ZRANB3: variants seen among roughly 807,000 people sequenced by gnomAD.
ZRANB3 encodes zinc finger RANBP2-type containing 3.
In ZRANB3, 125 loss-of-function variants were observed where a neutral mutation model predicts 133.8. That is an observed-to-expected ratio of 0.93 (90% confidence interval 0.81 to 1.08). The LOEUF is 1.08. ZRANB3 is among the 50% of genes least tolerant of loss of function. ZRANB3 has a pLI of 0.00. For synonymous variants in ZRANB3, 387 were observed against 432.7 expected (o/e 0.89, Z 1.31); for missense variants, 1,229 against 1,275.5 (o/e 0.96, Z 0.56).
At chr2:135,260,681 ATATT>A (rs1679914672) in intron 12 of ZRANB3, among the ~76,000 whole-genome samples, 1 of 146,286 alleles carries the variant, frequency 6.8e-6, no homozygotes, top group African/African-American at 2.5e-5. Flanking sequence ...ATACTTGAAC[ATATT>A]TATATATATA....
intron 12 of ZRANB3, among the ~76,000 whole-genome samples, chr2:135,237,779 T>C (rs1423281894): frequency 8.0e-6 from 1 of 125,716 alleles, no homozygotes; most frequent in Non-Finnish European, 1.6e-5. Flanking sequence ...CATCACACAC[T>C]GGGGCCTGTT....
At chr2:135,295,568 C>T (rs945555464) in intron 8 of ZRANB3, among the ~76,000 whole-genome samples, 5 of 152,204 alleles carry the variant, frequency 3.3e-5, no homozygotes, top group African/African-American at 1.2e-4. Flanking sequence ...GAGCATTTAG[C>T]CCATTTACAT....
intron 8 of ZRANB3, among the ~76,000 whole-genome samples, chr2:135,295,849 C>T (rs1573856153): frequency 6.6e-6 from 1 of 152,256 alleles, no homozygotes; most frequent in Non-Finnish European, 1.5e-5. Context: ...CTCAGTTTGG[C>T]TGGATATGAA....
chr2:135,510,620 T>C (rs1379340051), intron 1 of ZRANB3: 2 of 770,276 alleles, frequency 2.6e-6, no homozygotes, highest in Non-Finnish European at 4.6e-6. Flanking sequence ...GGAGGGCCTC[T>C]CATTCCACCA....
intron 12 of ZRANB3, among the ~76,000 whole-genome samples, chr2:135,257,562 T>C (rs1045992476): frequency 1.3e-5 from 2 of 152,230 alleles, no homozygotes; most frequent in African/African-American, 4.8e-5. Context: ...TATATGAGTC[T>C]TCTAATTTCT....
intron 2 of ZRANB3, among the ~76,000 whole-genome samples, chr2:135,412,714 A>T (rs1303772012): frequency 7.8e-6 from 1 of 127,840 alleles, no homozygotes; most frequent in African/African-American, 4.3e-5. Context: ...GCTGAGGTAT[A>T]CCTTTTTTAA....
intron 17 of ZRANB3, among the ~76,000 whole-genome samples, chr2:135,212,153 T>C (rs1694117280): frequency 6.6e-6 from 1 of 152,216 alleles, no homozygotes; most frequent in Admixed American, 6.5e-5. Context: ...ATGTCTTTCT[T>C]AGAGCAAAAA....
At chr2:135,495,013 T>C (rs1210014819) in intron 2 of ZRANB3, among the ~76,000 whole-genome samples, 1 of 152,132 alleles carries the variant, frequency 6.6e-6, no homozygotes, top group East Asian at 1.9e-4. Context: ...AGCAGGAAGA[T>C]CATATGGGGC....
intron 12 of ZRANB3, among the ~76,000 whole-genome samples, chr2:135,233,992 G>A (rs1305725135): frequency 6.6e-6 from 1 of 152,176 alleles, no homozygotes; most frequent in Non-Finnish European, 1.5e-5. Context: ...AAAAGACACA[G>A]ACTGGCAAAT....
At chr2:135,407,287 G>A (rs1323646005) in intron 2 of ZRANB3, among the ~76,000 whole-genome samples, 2 of 152,036 alleles carry the variant, frequency 1.3e-5, no homozygotes, top group East Asian at 1.9e-4. Context: ...ACCTCTTCAA[G>A]GAGAACTACA....
At chr2:135,369,521 T>C (rs574337220) in intron 3 of ZRANB3, among the ~76,000 whole-genome samples, 1 of 152,288 alleles carries the variant, frequency 6.6e-6, no homozygotes, top group Admixed American at 6.5e-5. Flanking sequence ...TTTGCCTCAC[T>C]ATAATATATA....
Position 135,207,714 on chromosome 2 carries a change from G to A in ZRANB3, c.2729C>T (p.Pro910Leu). The stretch of plus-strand genomic sequence containing the variant: ...GGGTTGCTGACAGCGAAGGCAAAGT[G>A]GATTTCCTTCATTATCCACAGCTTG... Reference protein sequence around the residue: ...YLQAVDNEGNPLCLRCQQPTC... With the variant: ...YLQAVDNEGNLLCLRCQQPTC... The change falls in exon 19 of 21, where the codon CCA (proline) becomes CTA (leucine). Residue 910 changes from proline (P) to leucine (L), a missense_variant. Pro to Leu is a moderately conservative substitution (Grantham distance 98). Transcript: ENST00000264159. 6.2e-7 allele frequency: 1 copy of A among 1,613,968 alleles called. No homozygotes were observed. Among genetic ancestry groups the A allele is most frequent in the Non-Finnish European group, 8.5e-7 (1 of 1,179,884 alleles).
At chr2:135,409,946 A>T (rs1688226745) in intron 2 of ZRANB3, among the ~76,000 whole-genome samples, 1 of 152,142 alleles carries the variant, frequency 6.6e-6, no homozygotes, top group Admixed American at 6.6e-5. Context: ...GATCTCTATA[A>T]GGAGAACTTT....
intron 1 of ZRANB3, chr2:135,510,475 A>T: frequency 1.9e-6 from 1 of 531,932 alleles, no homozygotes; most frequent in Non-Finnish European, 3.5e-6. Flanking sequence ...AAGATACCAA[A>T]GGCTGGTCAA....
At chr2:135,325,506 C>T (rs1573913509) in intron 6 of ZRANB3, among the ~76,000 whole-genome samples, 1 of 152,072 alleles carries the variant, frequency 6.6e-6, no homozygotes. Flanking sequence ...ACGCCATTCT[C>T]CTGCCTCAGC....
chr2:135,211,010 CAG>C (rs113103633), intron 17 of ZRANB3, among the ~76,000 whole-genome samples: 1 of 151,648 alleles, frequency 6.6e-6, no homozygotes, highest in Non-Finnish European at 1.5e-5. Flanking sequence ...GCCTGGGTGA[CAG>C]AGAGAGACTC....
chr2:135,223,949 T>C (rs539335104), intron 15 of ZRANB3, among the ~76,000 whole-genome samples: 1 of 152,252 alleles, frequency 6.6e-6, no homozygotes, highest in Non-Finnish European at 1.5e-5. Flanking sequence ...GGCACTGTGC[T>C]AAGTGCTTTA....
Position 135,204,639 on chromosome 2 carries a change from C to CAAA in ZRANB3, c.3010-1679_3010-1677dup, listed in dbSNP as rs1048256026. ...CACAGTGAGATCCCAGACCCAATCT[C>CAAA]AAAAAAAAAAAATATATATATATAC... On this transcript the variant is annotated intron_variant, in intron 19 of 20. Transcript: ENST00000264159. 3.4e-3 allele frequency among the ~76,000 whole-genome samples: 276 copies of CAAA among 80,236 alleles called. 3 individuals are homozygous for CAAA. In the Middle Eastern group the frequency reaches 0.039, roughly 11 times the overall value. The allele number at this position is 80,236 out of a possible 152,430, so 52.6% of individuals were successfully genotyped here.
intron 2 of ZRANB3, among the ~76,000 whole-genome samples, chr2:135,484,209 T>G (rs1691985107): frequency 6.6e-6 from 1 of 152,134 alleles, no homozygotes; most frequent in Non-Finnish European, 1.5e-5. Context: ...GACAGACAAT[T>G]AAAACAAATT....
Sources: gnomAD v4.1 joint callset for allele counts (sites outside exome capture counted in the v4.1 genomes callset) on GRCh38, gnomAD v4.1.1 for gene constraint, MANE v1.5 for transcripts, NCBI Gene and HGNC (gene_info 2026-07-23, HGNC 2026-07-21) for gene names.